SYNE1: variants seen among roughly 807,000 people sequenced by gnomAD.
SYNE1 encodes nesprin-1.
In SYNE1, 616 loss-of-function variants were observed where a neutral mutation model predicts 1,111.0. That is an observed-to-expected ratio of 0.55 (90% CI 0.52 to 0.59). The LOEUF (loss-of-function observed/expected upper bound fraction) is 0.59, where lower values mean the gene tolerates loss of function less well. Ranked by LOEUF, SYNE1 falls within the 20% of genes least tolerant of loss-of-function variation. The probability of loss-of-function intolerance (pLI) is 0.00; values close to 1 mark genes in which losing one functional copy is unlikely to be tolerated. For missense variants in SYNE1, 10,006 were observed against 10,417.0 expected (o/e 0.96, Z 1.72); for synonymous variants, 3,855 against 3,825.8 (o/e 1.01, Z -0.28).
intron 27 of SYNE1, 111 bp from the exon 28 acceptor site, chr6:152,449,752 AATTG>A: frequency 2.3e-6 from 2 of 867,070 alleles, no homozygotes; most frequent in Non-Finnish European, 3.8e-6. Flanking sequence ...GTGATTACCA[AATTG>A]ATTAATAACT....
intron 3 of SYNE1, among the ~76,000 whole-genome samples, 178 bp from the exon 4 acceptor site, chr6:152,540,199 T>C (rs898591150): frequency 6.7e-6 from 1 of 148,370 alleles, no homozygotes; most frequent in Admixed American, 6.6e-5. Context: ...TCATATAGAC[T>C]ATTCCTTTAA....
chr6:152,503,725 C>T (rs576375621), intron 9 of SYNE1, among the ~76,000 whole-genome samples: 17 of 151,926 alleles, frequency 1.1e-4, no homozygotes, highest in African/African-American at 3.4e-4. Flanking sequence ...TAAAAGGAAG[C>T]GAAGATAATG....
intron 130 of SYNE1, among the ~76,000 whole-genome samples, chr6:152,170,311 G>A (rs2064869555): frequency 6.6e-6 from 1 of 152,144 alleles, no homozygotes; most frequent in Admixed American, 6.6e-5. Flanking sequence ...TACTCTGCAG[G>A]TTTCTAAAAG....
At chr6:152,605,022 GAGAGAGAGAGA>G (rs2099609628) in intron 3 of SYNE1, among the ~76,000 whole-genome samples, 1 of 71,010 alleles carries the variant, frequency 1.4e-5, no homozygotes, top group African/African-American at 6.4e-5. Flanking sequence ...GAGAGAGAGA[GAGAGAGAGAGA>G]GAGGGAGGGA....
At position 152,416,584 on chromosome 6, in the gene SYNE1, C is replaced by T. The variant is rs747430966; in HGVS notation, c.5853G>A (p.Thr1951=). ...CTACCTCTCCACAGAGCTGATCAGC[C>T]GTGGCTCTGCAGGAAGTCCTTTGCT... The part of the protein sequence containing the change: ...SSEQRTSCRA[T]ADQLCGEVER... Residue 1951 remains threonine, a synonymous_variant, in exon 41 of 146, where the codon ACG becomes ACA. Coordinates refer to ENST00000367255, the MANE Select transcript of SYNE1 (RefSeq NM_182961.4). The T allele has an allele frequency of 6.2e-7, 1 of 1,614,046 alleles. No homozygotes were observed. Among genetic ancestry groups the T allele is most frequent in the East Asian group, 2.2e-5 (1 of 44,860 alleles).
intron 2 of SYNE1, among the ~76,000 whole-genome samples, chr6:152,632,946 C>A (rs908436497): frequency 6.6e-6 from 1 of 152,114 alleles, no homozygotes; most frequent in South Asian, 2.1e-4. Flanking sequence ...CCCAAGTGTG[C>A]TCTTCTGTTC....
At chr6:152,163,579 A>G (rs1239934002) in intron 131 of SYNE1, among the ~76,000 whole-genome samples, 2 of 151,610 alleles carry the variant, frequency 1.3e-5, no homozygotes, top group Admixed American at 6.6e-5. Context: ...ATTTTCCAGG[A>G]TCATCCCTTT....
intron 3 of SYNE1, among the ~76,000 whole-genome samples, chr6:152,596,114 A>G (rs866985606): frequency 0.028 from 4,190 of 147,908 alleles, 292 homozygotes; most frequent in African/African-American, 0.099. Flanking sequence ...AAAAAAAAAA[A>G]AAAAAAAAAA....
At chr6:152,494,777 A>G (rs2098990128) in intron 11 of SYNE1, among the ~76,000 whole-genome samples, 1 of 152,130 alleles carries the variant, frequency 6.6e-6, no homozygotes. Context: ...TTTACTTCCA[A>G]AGGAAGCTGG....
At chr6:152,163,946 C>G (rs1234952695) in intron 131 of SYNE1, among the ~76,000 whole-genome samples, 1 of 152,150 alleles carries the variant, frequency 6.6e-6, no homozygotes. Flanking sequence ...ACTAACTGTA[C>G]AATGGCACAA....
intron 121 of SYNE1, among the ~76,000 whole-genome samples, chr6:152,216,021 T>C (rs2078553524): frequency 6.6e-6 from 1 of 152,168 alleles, no homozygotes; most frequent in Non-Finnish European, 1.5e-5. Flanking sequence ...CACAGGACAA[T>C]GTTGTCGGTT....
chr6:152,370,385 T>C (rs547073987), intron 59 of SYNE1, among the ~76,000 whole-genome samples: 88 of 152,320 alleles, frequency 5.8e-4, no homozygotes, highest in Non-Finnish European at 8.7e-4. Flanking sequence ...CAACATTTGG[T>C]TGATTTTCAT....
intron 30 of SYNE1, 95 bp downstream of exon 30, chr6:152,444,316 T>A (rs921897746): frequency 1.4e-6 from 2 of 1,418,586 alleles, no homozygotes; most frequent in African/African-American, 1.4e-5. Flanking sequence ...CCTCACCCAC[T>A]CTCTCAAGCC....
At chr6:152,394,072 C>T (rs950281349) in intron 51 of SYNE1, among the ~76,000 whole-genome samples, 1 of 152,068 alleles carries the variant, frequency 6.6e-6, no homozygotes, top group African/African-American at 2.4e-5. Context: ...TGAGAACATG[C>T]GGTGTTTGGT....
At chr6:152,609,395 G>C (rs2099625030) in intron 3 of SYNE1, among the ~76,000 whole-genome samples, 1 of 152,188 alleles carries the variant, frequency 6.6e-6, no homozygotes, top group Non-Finnish European at 1.5e-5. Context: ...AGATTGAACT[G>C]TGAGGCAGCA....
chr6:152,426,758 G>T (rs2154196447), intron 38 of SYNE1, among the ~76,000 whole-genome samples: 1 of 152,340 alleles, frequency 6.6e-6, no homozygotes, highest in Non-Finnish European at 1.5e-5. Context: ...CTTTGTGGAA[G>T]ATGAGTGCAG....
chr6:152,492,958 T>C (rs552919224), intron 11 of SYNE1, among the ~76,000 whole-genome samples: 1 of 152,202 alleles, frequency 6.6e-6, no homozygotes, highest in Admixed American at 6.5e-5. Flanking sequence ...ATCTGCCCAG[T>C]TCCCTTATTA....
At chr6:152,310,569 A>G in intron 88 of SYNE1, 51 bp from the exon 89 acceptor site, 1 of 1,613,144 alleles carries the variant, frequency 6.2e-7, no homozygotes, top group Non-Finnish European at 8.5e-7. Flanking sequence ...GCCATAGGGG[A>G]AGAATAACAT....
chr6:152,331,002 C>G lies in SYNE1; in HGVS notation c.13683G>C (p.Leu4561Phe). Residue 4561 changes from leucine to phenylalanine, a missense_variant, in exon 78 of 146, where the codon TTG becomes TTC. Transcript: ENST00000367255. ...SHRLQELEKN[L>F]VSRKHFKEDF... ...CTTCCTTAAAATGCTTCCTAGAAACCAAATTCTTCTCTAGTTCTTGTAACC... is the reference window on the plus strand; with the variant it reads ...CTTCCTTAAAATGCTTCCTAGAAACGAAATTCTTCTCTAGTTCTTGTAACC... The G allele has an allele frequency of 6.2e-7, 1 of 1,614,074 alleles. No homozygotes were observed. The highest frequency in any genetic ancestry group is 8.5e-7 in the Non-Finnish European group (1 of 1,180,022).
Sources: allele counts gnomAD v4.1 joint callset (sites outside exome capture counted in the v4.1 genomes callset), GRCh38; gene constraint gnomAD v4.1.1; transcripts MANE v1.5; gene names NCBI Gene and HGNC (gene_info 2026-07-23, HGNC 2026-07-21).